ZNF521: variants seen among roughly 807,000 people sequenced by gnomAD.
The protein encoded by ZNF521 is LYST-interacting protein 3.
In ZNF521, 14 loss-of-function variants were observed where a neutral mutation model predicts 105.5. That is an observed-to-expected ratio of 0.13 (90% CI 0.09 to 0.21). ZNF521 has a LOEUF of 0.21. Among genes scored for constraint, ZNF521 ranks in the 10% least tolerant of loss-of-function variants. The probability of loss-of-function intolerance (pLI) is 1.00; values close to 1 mark genes in which losing one functional copy is unlikely to be tolerated. For synonymous variants in ZNF521, 635 were observed against 606.0 expected (o/e 1.05, Z -0.70); for missense variants, 1,233 against 1,629.7 (o/e 0.76, Z 4.19).
At chr18:25,164,969 C>T (rs1034492032) in intron 5 of ZNF521, among the ~76,000 whole-genome samples, 1 of 152,210 alleles carries the variant, frequency 6.6e-6, no homozygotes, top group Non-Finnish European at 1.5e-5. Context: ...ACACCGATGT[C>T]GTGCTCTTTC....
intron 5 of ZNF521, among the ~76,000 whole-genome samples, chr18:25,176,442 G>A (rs1304559196): frequency 1.3e-5 from 2 of 152,162 alleles, no homozygotes; most frequent in African/African-American, 4.8e-5. Context: ...AGAAAACTGT[G>A]ATATGCAAAA....
At chr18:25,218,871 C>G (rs914824097) in intron 4 of ZNF521, among the ~76,000 whole-genome samples, 1 of 151,884 alleles carries the variant, frequency 6.6e-6, no homozygotes, top group African/African-American at 2.4e-5. Context: ...AGAAAAATAG[C>G]TGACCCTCAA....
chr18:25,275,774 C>T (rs189503223), intron 3 of ZNF521, among the ~76,000 whole-genome samples: 2 of 152,178 alleles, frequency 1.3e-5, no homozygotes, highest in African/African-American at 2.4e-5. Flanking sequence ...GGATTGCCTA[C>T]GCCACGGAGA....
chr18:25,286,324 C>T (rs556829326), intron 3 of ZNF521, among the ~76,000 whole-genome samples: 2 of 152,204 alleles, frequency 1.3e-5, no homozygotes, highest in South Asian at 2.1e-4. Context: ...AAGCTCTCCC[C>T]GACAAGTACA....
chr18:25,086,041 A>C (rs1020688804), intron 7 of ZNF521, among the ~76,000 whole-genome samples: 4 of 152,088 alleles, frequency 2.6e-5, no homozygotes, highest in African/African-American at 9.7e-5. Context: ...TCTTGTGAAA[A>C]GTCCTTATTT....
chr18:25,246,800 C>T (rs1017768185), intron 3 of ZNF521, among the ~76,000 whole-genome samples: 2 of 152,178 alleles, frequency 1.3e-5, no homozygotes, highest in African/African-American at 4.8e-5. Context: ...TTCCCTTTGT[C>T]ACCTCTCTTG....
intron 5 of ZNF521, among the ~76,000 whole-genome samples, chr18:25,182,074 G>A (rs907669154): frequency 1.3e-5 from 2 of 152,010 alleles, no homozygotes; most frequent in Admixed American, 1.3e-4. Flanking sequence ...ATTTTACCAT[G>A]CATTCAATTA....
At chr18:25,261,374 C>A (rs182338988) in intron 3 of ZNF521, among the ~76,000 whole-genome samples, 35 of 152,206 alleles carry the variant, frequency 2.3e-4, no homozygotes, top group African/African-American at 7.7e-4. Flanking sequence ...AGACTGATTC[C>A]CTGCTCAATT....
At chr18:25,198,577 A>T (rs771396243) in intron 4 of ZNF521, among the ~76,000 whole-genome samples, 32 of 151,694 alleles carry the variant, frequency 2.1e-4, no homozygotes, top group Non-Finnish European at 3.0e-5. Context: ...TGAATAGATT[A>T]AAAAAAATCA....
At chr18:25,220,124 A>G (rs1414536737) in intron 4 of ZNF521, among the ~76,000 whole-genome samples, 1 of 152,192 alleles carries the variant, frequency 6.6e-6, no homozygotes, top group Non-Finnish European at 1.5e-5. Context: ...AGGGGCTAGC[A>G]AAAGAAGGAG....
At chr18:25,199,241 A>T (rs1357909709) in intron 4 of ZNF521, among the ~76,000 whole-genome samples, 1 of 151,888 alleles carries the variant, frequency 6.6e-6, no homozygotes, top group Non-Finnish European at 1.5e-5. Context: ...TGAGGGGGAA[A>T]AAAAACCCTC....
At chr18:25,264,167 A>G (rs1006250517) in intron 3 of ZNF521, among the ~76,000 whole-genome samples, 13 of 152,176 alleles carry the variant, frequency 8.5e-5, no homozygotes, top group Non-Finnish European at 1.6e-4. Flanking sequence ...CTACTCTTGT[A>G]TCTCAGGAAA....
intron 5 of ZNF521, among the ~76,000 whole-genome samples, chr18:25,128,218 A>C (rs1055830899): frequency 4.6e-5 from 7 of 151,994 alleles, no homozygotes; most frequent in African/African-American, 1.7e-4. Context: ...TAAAGAAAAA[A>C]AAAATCGTAT....
intron 5 of ZNF521, among the ~76,000 whole-genome samples, chr18:25,117,137 A>T (rs1347772568): frequency 4.0e-5 from 6 of 150,268 alleles, no homozygotes; most frequent in African/African-American, 7.3e-5. Context: ...TGTATGGTTC[A>T]GAATTTGGTC....
At chr18:25,117,992 A>G (rs1842757121) in intron 5 of ZNF521, among the ~76,000 whole-genome samples, 2 of 152,048 alleles carry the variant, frequency 1.3e-5, no homozygotes, top group African/African-American at 4.8e-5. Flanking sequence ...GCAGGAAAAA[A>G]CAAAACAAAA....
At chr18:25,141,004 G>T (rs563958994) in intron 5 of ZNF521, among the ~76,000 whole-genome samples, 1 of 152,132 alleles carries the variant, frequency 6.6e-6, no homozygotes, top group Non-Finnish European at 1.5e-5. Context: ...AGGCACTCTC[G>T]CTTCTTCAAG....
At chr18:25,101,582 G>A (rs540426620) in intron 5 of ZNF521, among the ~76,000 whole-genome samples, 2 of 152,272 alleles carry the variant, frequency 1.3e-5, no homozygotes, top group South Asian at 2.1e-4. Context: ...TCAGGAATAT[G>A]AGGAGAAAAG....
intron 5 of ZNF521, among the ~76,000 whole-genome samples, chr18:25,100,980 G>T (rs1395960466): frequency 1.3e-5 from 2 of 152,158 alleles, no homozygotes; most frequent in Non-Finnish European, 2.9e-5. Flanking sequence ...GAGCATTCTG[G>T]CCTGGCTGTT....
At chr18:25,186,949 A>G (rs1352883868) in intron 5 of ZNF521, among the ~76,000 whole-genome samples, 2 of 151,804 alleles carry the variant, frequency 1.3e-5, no homozygotes, top group African/African-American at 2.4e-5. Flanking sequence ...AAGAAAACAT[A>G]AAGAGGAACA....
Sources: allele counts gnomAD v4.1 joint callset (sites outside exome capture counted in the v4.1 genomes callset), GRCh38; gene constraint gnomAD v4.1.1; transcripts MANE v1.5; gene names NCBI Gene and HGNC (gene_info 2026-07-23, HGNC 2026-07-21).